AUTS2: variants seen among roughly 807,000 people sequenced by gnomAD.
AUTS2 encodes activator of transcription and developmental regulator AUTS2.
A neutral mutation model predicts 112.4 loss-of-function variants in AUTS2; 17 were observed. The observed-to-expected ratio is 0.15, with a 90% confidence interval of 0.10 to 0.23. The LOEUF (loss-of-function observed/expected upper bound fraction) is 0.23. Among genes scored for constraint, AUTS2 ranks in the 10% least tolerant of loss-of-function variants. AUTS2 has a pLI of 1.00. For missense variants in AUTS2, 1,510 were observed against 1,701.6 expected, an observed-to-expected ratio of 0.89 and a Z score of 1.98; for synonymous variants, 751 against 702.7, an observed-to-expected ratio of 1.07 and a Z score of -1.09.
intron 4 of AUTS2, among the ~76,000 whole-genome samples, chr7:70,179,344 C>T (rs541285845): frequency 5.1e-4 from 77 of 152,320 alleles, no homozygotes; most frequent in African/African-American, 1.7e-3. Flanking sequence ...GTCACCCCTA[C>T]AGCAGGGGAG....
intron 1 of AUTS2, among the ~76,000 whole-genome samples, chr7:69,880,162 A>AG (rs1419661286): frequency 3.3e-5 from 5 of 152,142 alleles, no homozygotes; most frequent in African/African-American, 1.2e-4. Context: ...CCTGGGCAGG[A>AG]GGAAGAAAGT....
chr7:69,752,362 A>G (rs1787774724), intron 1 of AUTS2, among the ~76,000 whole-genome samples: 1 of 152,252 alleles, frequency 6.6e-6, no homozygotes. Context: ...GATCCAAGCC[A>G]AGGCTGTCGC....
At chr7:69,655,798 T>G (rs1795503022) in intron 1 of AUTS2, among the ~76,000 whole-genome samples, 1 of 152,136 alleles carries the variant, frequency 6.6e-6, no homozygotes, top group Admixed American at 6.5e-5. Context: ...CCTGGGGACC[T>G]GTTTAGGAGA....
At chr7:69,737,223 CT>C (rs1280972341) in intron 1 of AUTS2, among the ~76,000 whole-genome samples, 6 of 151,916 alleles carry the variant, frequency 3.9e-5, no homozygotes. Context: ...TTTTTTGTTT[CT>C]TTTTTGAGTA....
chr7:70,573,014 A>G (rs1329955955), intron 5 of AUTS2, among the ~76,000 whole-genome samples: 3 of 152,250 alleles, frequency 2.0e-5, no homozygotes, highest in African/African-American at 7.2e-5. Context: ...CTTAGCCGCT[A>G]TTGAATTTTC....
intron 5 of AUTS2, among the ~76,000 whole-genome samples, chr7:70,548,858 A>C (rs1192067145): frequency 6.6e-6 from 1 of 151,696 alleles, no homozygotes. Flanking sequence ...GTTCTTTTTC[A>C]AGATTGTTTT....
intron 4 of AUTS2, among the ~76,000 whole-genome samples, chr7:70,310,934 A>G (rs545854330): frequency 3.9e-5 from 6 of 152,274 alleles, no homozygotes; most frequent in Admixed American, 2.0e-4. Flanking sequence ...AAAAATGGCA[A>G]GCGTTTCTTA....
intron 5 of AUTS2, among the ~76,000 whole-genome samples, chr7:70,547,005 T>C (rs1800814990): frequency 6.6e-6 from 1 of 152,224 alleles, no homozygotes; most frequent in Non-Finnish European, 1.5e-5. Context: ...TATTCAAATA[T>C]AATCTACATG....
At chr7:70,570,729 TC>T (rs1801903666) in intron 5 of AUTS2, among the ~76,000 whole-genome samples, 1 of 152,310 alleles carries the variant, frequency 6.6e-6, no homozygotes, top group African/African-American at 2.4e-5. Context: ...CTATTTTGTG[TC>T]CTCCTCCCTC....
chr7:69,631,861 ATGT>A lies in AUTS2; in HGVS notation c.309+31901_309+31903del, dbSNP rs1794259605. Among the ~76,000 whole-genome samples, 4 of 152,348 alleles carry A rather than the reference ATGT, an allele frequency of 2.6e-5. No individual in the cohort carries two copies. In the South Asian group the frequency reaches 8.3e-4, roughly 32 times the overall value. On this transcript the variant is annotated intron_variant, in intron 1 of 18. Coordinates refer to ENST00000342771, the MANE Select transcript of AUTS2 (RefSeq NM_015570.4). ...AAAACACTAGAACCTTGTATGTATA[ATGT>A]TCTTATCCCTAAGGATAACTTTATA...
At chr7:70,572,399 C>T (rs1232445993) in intron 5 of AUTS2, among the ~76,000 whole-genome samples, 3 of 118,666 alleles carry the variant, frequency 2.5e-5, no homozygotes, top group Non-Finnish European at 3.2e-5. Context: ...ATCATAATAG[C>T]TTATTTCATG....
At chr7:70,003,215 T>A (rs56242549) in intron 2 of AUTS2, among the ~76,000 whole-genome samples, 10,176 of 133,124 alleles carry the variant, frequency 0.076, 552 homozygotes, top group African/African-American at 0.12. Flanking sequence ...TATGAATATA[T>A]TATATATGAA....
In AUTS2 at chr7:69,938,496, A is replaced by T. The variant is rs1028198070; in HGVS notation, c.522+38998A>T. 4.6e-5 allele frequency among the ~76,000 whole-genome samples: 7 copies of T among 152,322 alleles called. No individual in the cohort carries two copies. The East Asian group carries it at 1.3e-3, about 29-fold the overall frequency. On this transcript the variant is annotated intron_variant, in intron 2 of 18. Coordinates refer to ENST00000342771, the MANE Select transcript of AUTS2 (RefSeq NM_015570.4). ...TGTGGTTTGGTGAGTTTTACATTTG[A>T]TGCATGATTGTATCCACCATTGTGA...
chr7:69,725,236 A>G (rs924279546), intron 1 of AUTS2, among the ~76,000 whole-genome samples: 1 of 152,200 alleles, frequency 6.6e-6, no homozygotes, highest in Non-Finnish European at 1.5e-5. Flanking sequence ...CACTTACTGT[A>G]TGCCAGGACT....
At chr7:70,350,203 C>A (rs957395325) in intron 4 of AUTS2, among the ~76,000 whole-genome samples, 2 of 152,172 alleles carry the variant, frequency 1.3e-5, no homozygotes, top group African/African-American at 4.8e-5. Flanking sequence ...AAACAAGTTT[C>A]ATGGTCCTTG....
At chr7:69,725,976 T>C (rs1421385202) in intron 1 of AUTS2, among the ~76,000 whole-genome samples, 2 of 152,172 alleles carry the variant, frequency 1.3e-5, no homozygotes, top group Non-Finnish European at 2.9e-5. Flanking sequence ...TAGATTATTT[T>C]TTTTCCCCTC....
At chr7:70,739,692 T>G (rs1220778901) in intron 6 of AUTS2, among the ~76,000 whole-genome samples, 1 of 151,830 alleles carries the variant, frequency 6.6e-6, no homozygotes, top group African/African-American at 2.4e-5. Flanking sequence ...TTGTCTGATG[T>G]GTAAATCCTC....
chr7:69,972,671 ATGTGTGTGTGTGTGTG>A (rs769055659), intron 2 of AUTS2, among the ~76,000 whole-genome samples: 3 of 85,250 alleles, frequency 3.5e-5, no homozygotes, highest in Admixed American at 2.3e-4. Flanking sequence ...GTGTGCGTGC[ATGTGTGTGTGTGTGTG>A]TGTGTGTGTG....
intron 4 of AUTS2, among the ~76,000 whole-genome samples, chr7:70,249,621 C>T (rs549667351): frequency 6.6e-6 from 1 of 152,134 alleles, no homozygotes; most frequent in Non-Finnish European, 1.5e-5. Flanking sequence ...TTGTTCAGGG[C>T]AAAGCAGAAG....
Sources: gnomAD v4.1 joint callset for allele counts (sites outside exome capture counted in the v4.1 genomes callset) on GRCh38, gnomAD v4.1.1 for gene constraint, MANE v1.5 for transcripts, NCBI Gene and HGNC (gene_info 2026-07-23, HGNC 2026-07-21) for gene names.